The following CACNA2D3 variants were observed in gnomAD, a reference collection of about 807,000 sequenced individuals.
CACNA2D3 encodes the protein calcium voltage-gated channel auxiliary subunit alpha2delta 3.
Under a neutral mutation model 160.6 loss-of-function variants are expected in CACNA2D3, and 60 were observed. That is an observed-to-expected ratio of 0.37 (90% CI 0.30 to 0.46). The LOEUF is 0.46. Ranked by LOEUF, CACNA2D3 falls within the 20% of genes least tolerant of loss-of-function variation. The pLI, the probability that CACNA2D3 is intolerant of heterozygous loss-of-function variation, is 1.00. For missense variants in CACNA2D3, 1,205 were observed against 1,365.0 expected (o/e 0.88, Z 1.85); for synonymous variants, 558 against 492.9 (o/e 1.13, Z -1.75).
chr3:55,006,130 A>G (rs879779086), intron 32 of CACNA2D3, among the ~76,000 whole-genome samples: 1 of 152,210 alleles, frequency 6.6e-6, no homozygotes, highest in Admixed American at 6.5e-5. Context: ...TAGCATGAAT[A>G]TTTCCAGACA....
chr3:54,414,580 C>T (rs1450734686), intron 4 of CACNA2D3, among the ~76,000 whole-genome samples: 5 of 151,990 alleles, frequency 3.3e-5, no homozygotes, highest in Admixed American at 2.6e-4. Flanking sequence ...TGTTTAGAAA[C>T]TCTGGTCTTT....
chr3:54,379,751 C>T (rs1473535647), intron 3 of CACNA2D3, among the ~76,000 whole-genome samples: 1 of 152,194 alleles, frequency 6.6e-6, no homozygotes, highest in Non-Finnish European at 1.5e-5. Flanking sequence ...TCTCTTTCTC[C>T]TGCATCCTTC....
At chr3:54,607,214 C>CA (rs1234773438) in intron 9 of CACNA2D3, among the ~76,000 whole-genome samples, 1 of 152,104 alleles carries the variant, frequency 6.6e-6, no homozygotes, top group Non-Finnish European at 1.5e-5. Context: ...CTCCAGTGGG[C>CA]ATGTTCATGT....
chr3:54,147,644 GA>G (rs1244812879), intron 2 of CACNA2D3, among the ~76,000 whole-genome samples: 2 of 152,228 alleles, frequency 1.3e-5, no homozygotes, highest in Non-Finnish European at 2.9e-5. Context: ...GTACAATGGG[GA>G]TGCTTGTGAG....
chr3:54,263,155 T>G (rs1244285611), intron 2 of CACNA2D3, among the ~76,000 whole-genome samples: 1 of 152,236 alleles, frequency 6.6e-6, no homozygotes, highest in East Asian at 1.9e-4. Flanking sequence ...ACTTGCTTAT[T>G]TTGTTGCATA....
At chr3:54,742,740 A>T (rs1214657217) in intron 11 of CACNA2D3, among the ~76,000 whole-genome samples, 1 of 152,216 alleles carries the variant, frequency 6.6e-6, no homozygotes, top group Non-Finnish European at 1.5e-5. Context: ...TTTAAAATAC[A>T]ATTGGCTTCA....
rs1239453668 is a variant in CACNA2D3, at chr3:55,073,481, G to C, written c.3024G>C (p.Leu1008=). 6.2e-7 allele frequency: 1 copy of C among 1,613,910 alleles called. No homozygotes were observed. The highest frequency in any genetic ancestry group is 8.5e-7 in the Non-Finnish European group (1 of 1,179,860). ...FVIQQIPSSN[L]FMVVVDSSCL... ...TCCAGCAAATCCCAAGCAGCAACCT[G>C]TTCATGGTGGTGGTGGACAGCAGCT... Residue 1008 remains leucine, a synonymous_variant, in exon 36 of 38, where the codon CTG becomes CTC. Coordinates refer to ENST00000474759, the MANE Select transcript of CACNA2D3 (RefSeq NM_018398.3).
rs574251312 is a variant in CACNA2D3 at position 54,141,108 on chromosome 3, T to G, written c.204+17514T>G. On this transcript the variant is annotated intron_variant, in intron 2 of 37. Coordinates refer to ENST00000474759, the MANE Select transcript of CACNA2D3 (RefSeq NM_018398.3). ...GTGTGCGCGCGCGCGCGTGTGTGCA[T>G]GCATGCCTGAGATGTGTCATATTAG... is the stretch of plus-strand genomic sequence containing the variant. 4.2e-4 allele frequency among the ~76,000 whole-genome samples: 39 copies of G among 92,644 alleles called. No individual in the cohort carries two copies. In the South Asian group the frequency reaches 0.016, roughly 38 times the overall value. 60.8% of individuals were successfully genotyped at this position (92,644 alleles called of 152,430 possible). A position where few individuals can be genotyped will look rare whatever the true frequency, so the allele number is the denominator to read the frequency against.
At chr3:54,851,880 A>G (rs1410057292) in intron 17 of CACNA2D3, among the ~76,000 whole-genome samples, 19 of 152,214 alleles carry the variant, frequency 1.2e-4, no homozygotes, top group Admixed American at 1.2e-3. Flanking sequence ...TGTATCCTAC[A>G]TGGCACATCT....
At chr3:54,749,020 T>TTC (rs559536827) in intron 11 of CACNA2D3, among the ~76,000 whole-genome samples, 323 of 152,366 alleles carry the variant, frequency 2.1e-3, no homozygotes, top group African/African-American at 7.0e-3. Flanking sequence ...CATCTCTTTT[T>TTC]TGTGTTTGAT....
At chr3:54,672,367 T>G (rs1700176812) in intron 11 of CACNA2D3, among the ~76,000 whole-genome samples, 1 of 151,998 alleles carries the variant, frequency 6.6e-6, no homozygotes, top group Non-Finnish European at 1.5e-5. Context: ...AGGGTCTGAG[T>G]TCAGTGCCCC....
chr3:54,737,671 A>G (rs976348551), intron 11 of CACNA2D3, among the ~76,000 whole-genome samples: 1 of 152,076 alleles, frequency 6.6e-6, no homozygotes, highest in Non-Finnish European at 1.5e-5. Context: ...GGGGATCTCT[A>G]TCCTCTTTTT....
At chr3:54,818,662 G>A (rs527317214) in intron 14 of CACNA2D3, among the ~76,000 whole-genome samples, 1 of 152,264 alleles carries the variant, frequency 6.6e-6, no homozygotes, top group South Asian at 2.1e-4. Context: ...TAAAAGTCAA[G>A]GAAGGTACCT....
intron 5 of CACNA2D3, among the ~76,000 whole-genome samples, chr3:54,549,266 G>A (rs1203501861): frequency 6.6e-6 from 1 of 152,134 alleles, no homozygotes; most frequent in East Asian, 1.9e-4. Flanking sequence ...CTAACACGGT[G>A]AAACCCCGTC....
intron 11 of CACNA2D3, among the ~76,000 whole-genome samples, chr3:54,735,132 A>C (rs1164957724): frequency 6.6e-6 from 1 of 152,242 alleles, no homozygotes. Flanking sequence ...TTGACAATGA[A>C]TTTACACATT....
intron 3 of CACNA2D3, among the ~76,000 whole-genome samples, chr3:54,356,025 C>T (rs760996335): frequency 2.5e-4 from 38 of 149,740 alleles, no homozygotes; most frequent in Non-Finnish European, 3.9e-4. Context: ...CTGGACCAAC[C>T]ACATCCTGGA....
At chr3:55,041,625 T>C (rs941034584) in intron 35 of CACNA2D3, among the ~76,000 whole-genome samples, 7 of 152,134 alleles carry the variant, frequency 4.6e-5, no homozygotes, top group Non-Finnish European at 8.8e-5. Context: ...AATCATTCTT[T>C]GGTGTTTAAA....
At chr3:55,051,691 C>A (rs1305241433) in intron 35 of CACNA2D3, among the ~76,000 whole-genome samples, 2 of 152,154 alleles carry the variant, frequency 1.3e-5, no homozygotes, top group Admixed American at 6.5e-5. Context: ...ATGGCGGGCG[C>A]CCCTCCCCCA....
At chr3:55,063,477 C>G (rs1033963692) in intron 35 of CACNA2D3, among the ~76,000 whole-genome samples, 1 of 151,592 alleles carries the variant, frequency 6.6e-6, no homozygotes, top group African/African-American at 2.4e-5. Context: ...AAAAAAAATG[C>G]AAAATGAAAC....
Sources: allele counts gnomAD v4.1 joint callset (sites outside exome capture counted in the v4.1 genomes callset), GRCh38; gene constraint gnomAD v4.1.1; transcripts MANE v1.5; gene names NCBI Gene and HGNC (gene_info 2026-07-23, HGNC 2026-07-21).